Variants in ZP3 observed in about 807,000 individuals in gnomAD.
The protein encoded by ZP3 is zona pellucida glycoprotein 3.
ZP3 carries 21 observed loss-of-function variants against 35.6 expected under a neutral mutation model. That is an observed-to-expected ratio of 0.59 (90% CI 0.42 to 0.85). The LOEUF is 0.85. ZP3 is among the 40% of genes least tolerant of loss of function. The pLI is 0.00. For missense variants in ZP3, 437 were observed against 536.5 expected (o/e 0.81, Z 1.83); for synonymous variants, 207 against 214.5 (o/e 0.96, Z 0.31).
At chr7:76,419,679 C>T (rs531052092) in intron 1 of ZP3, among the ~76,000 whole-genome samples, 4 of 130,278 alleles carry the variant, frequency 3.1e-5, no homozygotes, top group Non-Finnish European at 4.8e-5. Flanking sequence ...TTCTTTCTTT[C>T]GTTCTCTTTC....
intron 1 of ZP3, chr7:76,404,320 G>A: frequency 1.9e-6 from 3 of 1,605,332 alleles, no homozygotes; most frequent in Non-Finnish European, 8.5e-7. Flanking sequence ...GTGGCAGGAG[G>A]AGAAGGAAAG....
intron 1 of ZP3, among the ~76,000 whole-genome samples, chr7:76,408,312 C>G (rs1805114696): frequency 6.6e-6 from 1 of 152,218 alleles, no homozygotes; most frequent in Middle Eastern, 3.4e-3. Flanking sequence ...AGGACAGCCC[C>G]CAGTGGAATA....
chr7:76,397,559 T>G (rs1804676352), exon 1 of ZP3: 3 of 1,603,718 alleles, frequency 1.9e-6, no homozygotes, highest in Non-Finnish European at 2.6e-6. Flanking sequence ...GCCGCAGTTG[T>G]GCACACCCCA....
chr7:76,397,724 G>A (rs1225574348), exon 1 of ZP3: 23 of 1,613,200 alleles, frequency 1.4e-5, no homozygotes, highest in Non-Finnish European at 1.9e-5. Context: ...AGCGGCATCC[G>A]GCAGCCCCCA....
intron 1 of ZP3, among the ~76,000 whole-genome samples, chr7:76,426,544 TG>T (rs887993645): frequency 2.6e-5 from 4 of 152,070 alleles, no homozygotes; most frequent in African/African-American, 7.2e-5. Flanking sequence ...CTTGTTTTCC[TG>T]GGGAGGGAGG....
Position 76,424,978 on chromosome 7 carries a change from A to G in ZP3, c.14A>G (p.Tyr5Cys), listed in dbSNP as rs1232813929. The G allele has an allele frequency of 1.3e-6, 2 of 1,542,922 alleles. No individual in the cohort carries two copies. Among genetic ancestry groups the G allele is most frequent in the Admixed American group, 2.0e-5 (1 of 51,018 alleles). MELS[Y>C]RLFICLLLWG... is the part of the protein sequence containing the mutation. ...TCTGCAGGTACCATGGAGCTGAGCT[A>G]TAGGCTCTTCATCTGCCTCCTGCTC... Residue 5 changes from tyrosine (Y) to cysteine (C), a missense_variant, in exon 1 of 8, where the codon TAT (tyrosine) becomes TGT (cysteine). Physicochemically the swap from Tyr to Cys is radical, Grantham distance 194. Transcript: ENST00000394857.
chr7:76,413,291 G>A (rs1355025422), intron 1 of ZP3, among the ~76,000 whole-genome samples: 1 of 151,320 alleles, frequency 6.6e-6, no homozygotes, highest in Non-Finnish European at 1.5e-5. Context: ...GTCTTGCTTT[G>A]TTGCCCAGTA....
chr7:76,432,944 G>T lies in ZP3; in HGVS notation c.449G>T (p.Ser150Ile). The T allele has an allele frequency of 2.5e-6, 4 of 1,614,064 alleles. No individual in the cohort carries two copies. Among genetic ancestry groups the T allele is most frequent in the East Asian group, 2.2e-5 (1 of 44,884 alleles). ...CRYPRQGNVSSQAILPTWLPF... is the reference protein window; with the variant it reads ...CRYPRQGNVSIQAILPTWLPF... ...TCTCTCAGGCAGGGCAATGTGAGCA[G>T]CCAGGCCATCCTGCCCACCTGGTTG... Residue 150 changes from serine (S) to isoleucine (I), a missense_variant, in exon 3 of 8, where the codon AGC (serine) becomes ATC (isoleucine). Ser to Ile is a moderately radical substitution (Grantham distance 142). Coordinates refer to ENST00000394857, the MANE Select transcript of ZP3 (RefSeq NM_001110354.2).
At chr7:76,423,278 C>T (rs536409146), upstream of ZP3, among the ~76,000 whole-genome samples, 27 of 151,910 alleles carry the variant, frequency 1.8e-4, no homozygotes, top group South Asian at 5.6e-3. Flanking sequence ...ATCTGACTCT[C>T]CAAAAAGAGC....
intron 2 of ZP3, among the ~76,000 whole-genome samples, chr7:76,431,055 C>T (rs1187745188): frequency 6.6e-6 from 1 of 152,196 alleles, no homozygotes; most frequent in Non-Finnish European, 1.5e-5. Context: ...AATCTCCACC[C>T]AGGGTCACCT....
rs1264942300 is a variant in ZP3 at position 76,424,996 on chromosome 7, T to G, written c.32T>G (p.Leu11Arg). MELSYRLFIC[L>R]LLWGSTELCY... Reference sequence around the variant, plus strand: ...CTGAGCTATAGGCTCTTCATCTGCCTCCTGCTCTGGGGTAGTACTGAGCTG... The same window carrying G: ...CTGAGCTATAGGCTCTTCATCTGCCGCCTGCTCTGGGGTAGTACTGAGCTG... The change falls in exon 1 of 8, where the codon CTC (leucine) becomes CGC (arginine). Residue 11 changes from leucine to arginine, a missense_variant. Physicochemically the swap from Leu to Arg is moderately radical, Grantham distance 102. Coordinates refer to ENST00000394857, the MANE Select transcript of ZP3 (RefSeq NM_001110354.2). 2 of 1,557,032 alleles carry G rather than the reference T, an allele frequency of 1.3e-6. No homozygotes were observed. The highest frequency in any genetic ancestry group is 4.8e-5 in the East Asian group (2 of 41,716).
intron 1 of ZP3, among the ~76,000 whole-genome samples, chr7:76,417,952 T>C: frequency 6.6e-6 from 1 of 151,246 alleles, no homozygotes; most frequent in Non-Finnish European, 1.5e-5. Flanking sequence ...TTTTTTTTTT[T>C]TTTGAGACAC....
upstream of ZP3, among the ~76,000 whole-genome samples, chr7:76,422,035 T>C (rs1805515661): frequency 6.6e-6 from 1 of 152,092 alleles, no homozygotes; most frequent in Non-Finnish European, 1.5e-5. Context: ...TAGCTGGGAT[T>C]ACAGGCATGT....
chr7:76,419,291 T>A (rs890738924), intron 1 of ZP3, among the ~76,000 whole-genome samples: 3 of 152,240 alleles, frequency 2.0e-5, no homozygotes, highest in African/African-American at 7.2e-5. Flanking sequence ...AAGATCATAT[T>A]TTCTTCTCAA....
chr7:76,429,943 G>A (rs956113864), intron 2 of ZP3, among the ~76,000 whole-genome samples: 3 of 152,092 alleles, frequency 2.0e-5, no homozygotes, highest in African/African-American at 7.2e-5. Context: ...CTAGGCTGGG[G>A]CCAGGTGCAG....
intron 5 of ZP3, among the ~76,000 whole-genome samples, chr7:76,438,606 G>A (rs375676904): frequency 3.0e-5 from 4 of 131,532 alleles, no homozygotes; most frequent in Admixed American, 7.4e-5. Context: ...CCTGGGTGGT[G>A]GGGGGTCTTT....
intron 5 of ZP3, among the ~76,000 whole-genome samples, chr7:76,436,420 A>G (rs1245744680): frequency 6.6e-6 from 1 of 152,178 alleles, no homozygotes; most frequent in African/African-American, 2.4e-5. Flanking sequence ...AAAGCCACTT[A>G]AGCTCCTAGG....
At chr7:76,405,984 T>C (rs201377385) in intron 1 of ZP3, among the ~76,000 whole-genome samples, 3 of 135,220 alleles carry the variant, frequency 2.2e-5, no homozygotes, top group African/African-American at 5.9e-5. Context: ...CTTTCCTTTC[T>C]TTTCTTTTCT....
intron 1 of ZP3, among the ~76,000 whole-genome samples, chr7:76,417,065 G>A (rs1446250157): frequency 1.3e-5 from 2 of 150,668 alleles, no homozygotes; most frequent in Non-Finnish European, 3.0e-5. Context: ...TTGTTTGTTT[G>A]TTTGTTTTTG....
Sources: allele counts gnomAD v4.1 joint callset (sites outside exome capture counted in the v4.1 genomes callset), GRCh38; gene constraint gnomAD v4.1.1; transcripts MANE v1.5; gene names NCBI Gene and HGNC (gene_info 2026-07-23, HGNC 2026-07-21).